The following ZNF883 variants were observed in gnomAD, a reference collection of about 807,000 sequenced individuals.
ZNF883 encodes the protein zinc finger protein 883.
At chr9:113,000,650 AG>A (rs1195660511), upstream of ZNF883, among the ~76,000 whole-genome samples, 1 of 152,158 alleles carries the variant, frequency 6.6e-6, no homozygotes, top group East Asian at 1.9e-4. Flanking sequence ...AATGTTTTCT[AG>A]CCAAGGAGGC....
intron 1 of ZNF883, among the ~76,000 whole-genome samples, chr9:112,989,781 CCT>C (rs1293791342): frequency 6.6e-6 from 1 of 152,112 alleles, no homozygotes; most frequent in Non-Finnish European, 1.5e-5. Flanking sequence ...TTGTTTGTGT[CCT>C]CTCTTATTTA....
At chr9:112,992,670 T>C (rs1273465389), downstream of ZNF883, among the ~76,000 whole-genome samples, 4 of 152,240 alleles carry the variant, frequency 2.6e-5, no homozygotes, top group Admixed American at 2.0e-4. Context: ...TCCTGAAGTA[T>C]GGTTTCCAAC....
chr9:112,996,148 TG>T (rs1828351976), downstream of ZNF883, among the ~76,000 whole-genome samples: 1 of 152,160 alleles, frequency 6.6e-6, no homozygotes, highest in African/African-American at 2.4e-5. Flanking sequence ...TAAATCATGT[TG>T]GGGTGCTACT....
At chr9:113,003,529 T>A (rs960091068) in intron 2 of ZNF883, among the ~76,000 whole-genome samples, 14 of 150,828 alleles carry the variant, frequency 9.3e-5, no homozygotes, top group African/African-American at 2.9e-4. Context: ...CTCTTAAAAA[T>A]GAGTATAGGG....
At chr9:112,998,360 G>T, upstream of ZNF883, 2 of 936,792 alleles carry the variant, frequency 2.1e-6, no homozygotes, top group Admixed American at 2.9e-5. Context: ...TAAAGTTTGA[G>T]ATACAAATGC....
upstream of ZNF883, chr9:112,998,304 G>T: frequency 1.4e-6 from 2 of 1,430,410 alleles, no homozygotes; most frequent in South Asian, 1.7e-5. Context: ...TTTCATTTTT[G>T]TCGGTATGTA....
intron 2 of ZNF883, among the ~76,000 whole-genome samples, chr9:113,009,278 C>G (rs1460407986): frequency 6.6e-6 from 1 of 152,196 alleles, no homozygotes; most frequent in Non-Finnish European, 1.5e-5. Context: ...AAAAGCCAAA[C>G]TGGCTGTGGC....
chr9:113,001,511 G>T (rs149794480), upstream of ZNF883, among the ~76,000 whole-genome samples: 114 of 152,194 alleles, frequency 7.5e-4, 3 homozygotes, highest in East Asian at 0.011. Context: ...CTAGATGAAT[G>T]CAGGTTTTTA....
chr9:112,996,790 C>CAAAA (rs61714600), downstream of ZNF883, among the ~76,000 whole-genome samples: 38 of 52,098 alleles, frequency 7.3e-4, 1 homozygote, highest in African/African-American at 1.4e-3. Context: ...GACTCCGTCT[C>CAAAA]AAAAAAAAAA....
chr9:112,999,271 A>T (rs191372727), upstream of ZNF883: 1 of 152,330 alleles, frequency 6.6e-6, no homozygotes, highest in Non-Finnish European at 1.5e-5. Flanking sequence ...GGAACAATAT[A>T]TATGTCTGGA....
chr9:112,989,124 T>G (rs1325301319), intron 1 of ZNF883, among the ~76,000 whole-genome samples: 1 of 152,196 alleles, frequency 6.6e-6, no homozygotes, highest in Non-Finnish European at 1.5e-5. Context: ...CAGAAGCTCT[T>G]TAGTTTAATT....
downstream of ZNF883, among the ~76,000 whole-genome samples, chr9:112,995,155 A>G (rs911620438): frequency 6.6e-6 from 1 of 152,224 alleles, no homozygotes; most frequent in African/African-American, 2.4e-5. Context: ...AGCAGATTTC[A>G]ATGTGGCTGT....
downstream of ZNF883, among the ~76,000 whole-genome samples, chr9:112,996,806 AAAAAAAAAAAAAAAAAAAG>A (rs1828361188): frequency 1.3e-5 from 2 of 149,352 alleles, no homozygotes; most frequent in African/African-American, 2.4e-5. Context: ...AAAAAAAAAA[AAAAAAAAAAAAAAAAAAAG>A]TTTTTTTATA....
At chr9:112,997,994 C>T (rs896856477) in exon 1 of ZNF883, 3 of 1,613,720 alleles carry the variant, frequency 1.9e-6, no homozygotes, top group Non-Finnish European at 2.5e-6. Context: ...AGTATGGACT[C>T]TTTGATGCTG....
intron 2 of ZNF883, among the ~76,000 whole-genome samples, chr9:113,004,118 T>C (rs764840599): frequency 8.5e-5 from 13 of 152,116 alleles, no homozygotes; most frequent in Non-Finnish European, 1.8e-4. Context: ...GAAAGTCATG[T>C]GATGAAAGAG....
intron 2 of ZNF883, among the ~76,000 whole-genome samples, 157 bp downstream of exon 2, chr9:113,010,984 C>CAA (rs35069505): frequency 2.5e-4 from 30 of 117,974 alleles, no homozygotes; most frequent in Admixed American, 1.1e-3. Flanking sequence ...GACCTTGTCT[C>CAA]AAAAAAAAAA....
Position 113,007,059 on chromosome 9 carries a change from T to C in ZNF883, n.165+4082A>G, listed in dbSNP as rs1323556637. ...AAATACAAAAATTAGCCGGGCGTGG[T>C]GGTTCATGTCTGTAGTCCTAGCTGC... On this transcript the variant is annotated intron_variant and non_coding_transcript_variant, in intron 2 of 4. Coordinates refer to the ZNF883 transcript ENST00000638622. Among the ~76,000 whole-genome samples, 3 of 152,150 alleles carry C rather than the reference T, an allele frequency of 2.0e-5. No homozygotes were observed. The East Asian group carries it at 5.8e-4, about 29-fold the overall frequency.
At chr9:112,998,315 AT>A, upstream of ZNF883, 1 of 1,375,232 alleles carries the variant, frequency 7.3e-7, no homozygotes. Context: ...TCGGTATGTA[AT>A]AGGTGTTGGC....
At chr9:112,993,752 T>C (rs1828323737), downstream of ZNF883, among the ~76,000 whole-genome samples, 1 of 152,216 alleles carries the variant, frequency 6.6e-6, no homozygotes. Context: ...CTGGCAGGAA[T>C]TGCTGAAGTT....
Sources: allele counts gnomAD v4.1 joint callset (sites outside exome capture counted in the v4.1 genomes callset), GRCh38; gene constraint gnomAD v4.1.1; transcripts MANE v1.5; gene names NCBI Gene and HGNC (gene_info 2026-07-23, HGNC 2026-07-21).